The following PCDHGB3 variants were observed in gnomAD, a reference collection of about 807,000 sequenced individuals.
PCDHGB3 encodes protocadherin gamma subfamily B, 3.
Under a neutral mutation model 59.2 loss-of-function variants are expected in PCDHGB3, and 40 were observed. The observed-to-expected ratio is 0.68, with a 90% CI of 0.52 to 0.88. PCDHGB3 has a LOEUF of 0.88. Among genes scored for constraint, PCDHGB3 ranks in the 40% least tolerant of loss-of-function variants. PCDHGB3 has a pLI of 0.00. For synonymous variants in PCDHGB3, 581 were observed against 503.6 expected (o/e 1.15, Z -2.06); for missense variants, 1,309 against 1,187.9 (o/e 1.10, Z -1.50).
intron 1 of PCDHGB3, chr5:141,376,742 A>C (rs1191231453): frequency 2.1e-6 from 1 of 487,580 alleles, no homozygotes; most frequent in Non-Finnish European, 3.5e-6. Flanking sequence ...TGCGGACTGC[A>C]GTGGCGCAAT....
intron 1 of PCDHGB3, among the ~76,000 whole-genome samples, chr5:141,381,932 C>A (rs1205042648): frequency 2.1e-5 from 3 of 144,772 alleles, no homozygotes; most frequent in Non-Finnish European, 4.5e-5. Flanking sequence ...CGGGTTCAAG[C>A]GATTTTCCTG....
intron 1 of PCDHGB3, among the ~76,000 whole-genome samples, chr5:141,436,896 A>C (rs567359498): frequency 6.6e-6 from 1 of 152,368 alleles, no homozygotes; most frequent in East Asian, 1.9e-4. Context: ...AAAGATTTTT[A>C]TATGAGACAA....
At chr5:141,384,286 G>A (rs760333073) in intron 1 of PCDHGB3, 3 of 1,613,834 alleles carry the variant, frequency 1.9e-6, no homozygotes, top group South Asian at 2.2e-5. Context: ...CTACATCGCT[G>A]AGAACAACCC....
chr5:141,380,851 A>G (rs1341551183), intron 1 of PCDHGB3, among the ~76,000 whole-genome samples: 1 of 152,282 alleles, frequency 6.6e-6, no homozygotes, highest in Admixed American at 6.5e-5. Flanking sequence ...ATGGATCAAG[A>G]CATTGAGAGC....
Position 141,511,202 on chromosome 5 carries a change from C to A in PCDHGB3, c.*29C>A. On this transcript the variant is annotated 3_prime_UTR_variant, in exon 4 of 4. Transcript: ENST00000576222. ...GGAGGCCAGGCCAAGAGCCACAGGG[C>A]GGCCTCTCCCCAACCAGCCCAGCTT... The A allele has an allele frequency of 6.2e-7, 1 of 1,612,136 alleles. No individual in the cohort carries two copies.
chr5:141,404,290 T>C (rs2094507318), intron 1 of PCDHGB3: 1 of 1,613,984 alleles, frequency 6.2e-7, no homozygotes, highest in South Asian at 1.1e-5. Context: ...CTGACATCAA[T>C]GATAATCCAC....
Position 141,486,087 on chromosome 5 carries a change from T to G in PCDHGB3, c.2416-8720T>G. 4 of 1,614,176 alleles carry G rather than the reference T, an allele frequency of 2.5e-6. No individual in the cohort carries two copies. The highest frequency in any genetic ancestry group is 3.4e-6 in the Non-Finnish European group (4 of 1,180,028). ...CCCACTACTGGAAAGCTTACTCTTT[T>G]GGGGCCCCTAGACTTTGAGAGTGAG... On this transcript the variant is annotated intron_variant, in intron 1 of 3. Coordinates refer to ENST00000576222, the MANE Select transcript of PCDHGB3 (RefSeq NM_018924.5). This position sits in a 1 kb window ranked among gnomAD's most constrained non-coding sequence, Gnocchi z 5.0.
rs762881601 is a variant in PCDHGB3, at chr5:141,392,998, A to ACGGAGTC, written c.2415+20192_2415+20198dup. 1.9e-6 allele frequency: 3 copies of ACGGAGTC among 1,613,876 alleles called. No individual in the cohort carries two copies. In the East Asian group the frequency reaches 6.7e-5, roughly 36 times the overall value. On this transcript the variant is annotated intron_variant, in intron 1 of 3. Transcript: ENST00000576222. ...CTGGACCCCCGGAAGCTGGCGAAGCACGGAGTCCGTATCGTCTCCAGAGGT... is the reference window on the plus strand; with the variant it reads ...CTGGACCCCCGGAAGCTGGCGAAGCACGGAGTCCGGAGTCCGTATCGTCTCCAGAGGT...
intron 1 of PCDHGB3, among the ~76,000 whole-genome samples, chr5:141,380,075 C>T (rs1776189722): frequency 6.6e-6 from 1 of 151,480 alleles, no homozygotes; most frequent in African/African-American, 2.4e-5. Flanking sequence ...AATTTTCATA[C>T]TTTTAGTAGA....
At chr5:141,419,977 G>A (rs962684463) in intron 1 of PCDHGB3, 1 of 1,614,066 alleles carries the variant, frequency 6.2e-7, no homozygotes, top group Non-Finnish European at 8.5e-7. Context: ...TTCTCCTCGC[G>A]GTGATTCTAG....
At chr5:141,424,016 T>G in intron 1 of PCDHGB3, 16 of 1,038,360 alleles carry the variant, frequency 1.5e-5, no homozygotes, top group Non-Finnish European at 1.3e-5. Context: ...AAATTAATGA[T>G]TCACAAACAC....
chr5:141,430,992 A>G (rs1223969128), intron 1 of PCDHGB3: 2 of 1,613,824 alleles, frequency 1.2e-6, no homozygotes, highest in Admixed American at 3.3e-5. Context: ...TTCGCCCTGA[A>G]TCCGCGCAGC....
At chr5:141,403,092 A>C in intron 1 of PCDHGB3, 4 of 1,614,086 alleles carry the variant, frequency 2.5e-6, no homozygotes, top group Non-Finnish European at 3.4e-6. Flanking sequence ...ATTGTGGGCA[A>C]CATCTCCAAG....
chr5:141,384,221 A>C, intron 1 of PCDHGB3: 1 of 1,613,936 alleles, frequency 6.2e-7, no homozygotes, highest in Non-Finnish European at 8.5e-7. Flanking sequence ...ATATTCATGC[A>C]GGTGGCAGAC....
At chr5:141,394,769 C>A in intron 1 of PCDHGB3, 1 of 1,613,514 alleles carries the variant, frequency 6.2e-7, no homozygotes, top group African/African-American at 1.3e-5. Context: ...ATGGCCAGCC[C>A]CCTCTCTCCG....
At chr5:141,376,223 C>T (rs1772425823) in intron 1 of PCDHGB3, 1 of 1,614,084 alleles carries the variant, frequency 6.2e-7, no homozygotes, top group Non-Finnish European at 8.5e-7. Context: ...GCTGCTGGCG[C>T]TCAGACTGCA....
At chr5:141,415,397 G>T (rs1168654728) in intron 1 of PCDHGB3, 1 of 1,614,124 alleles carries the variant, frequency 6.2e-7, no homozygotes, top group African/African-American at 1.3e-5. Context: ...GGTGTGTCCG[G>T]CTCGCACTTT....
intron 1 of PCDHGB3, chr5:141,376,461 T>C: frequency 1.2e-6 from 2 of 1,614,210 alleles, no homozygotes; most frequent in South Asian, 1.1e-5. Flanking sequence ...CCTCTTCTGA[T>C]AACTCAGGAT....
At chr5:141,404,112 A>G (rs372014000) in intron 1 of PCDHGB3, 3 of 1,613,380 alleles carry the variant, frequency 1.9e-6, no homozygotes, top group Non-Finnish European at 2.5e-6. Context: ...TGTTCTATCC[A>G]GGAGAATCTA....
Sources: allele counts gnomAD v4.1 joint callset (sites outside exome capture counted in the v4.1 genomes callset), GRCh38; gene constraint gnomAD v4.1.1; non-coding constraint Gnocchi (gnomAD v3.1); transcripts MANE v1.5; gene names NCBI Gene and HGNC (gene_info 2026-07-23, HGNC 2026-07-21).